Variants in SH3TC2 observed in about 807,000 individuals in gnomAD.
The protein encoded by SH3TC2 is SH3 domain and tetratricopeptide repeats 2, also known as SH3 domain and tetratricopeptide repeat-containing protein 2.
SH3TC2 carries 87 observed loss-of-function variants against 124.5 expected under a neutral mutation model. The observed-to-expected ratio is 0.70, with a 90% CI of 0.59 to 0.84. The LOEUF is 0.84. Ranked by LOEUF, SH3TC2 falls within the 40% of genes least tolerant of loss-of-function variation. The pLI is 0.00. For missense variants in SH3TC2, 1,536 were observed against 1,566.4 expected, an observed-to-expected ratio of 0.98 and a Z score of 0.33; for synonymous variants, 634 against 628.5, an observed-to-expected ratio of 1.01 and a Z score of -0.13.
chr5:149,061,737 T>A (rs1457288173), intron 1 of SH3TC2, among the ~76,000 whole-genome samples: 1 of 152,078 alleles, frequency 6.6e-6, no homozygotes, highest in African/African-American at 2.4e-5. Context: ...AGAACCCCGA[T>A]CTCCGACCAG....
At chr5:149,012,445 G>T in intron 13 of SH3TC2, 139 bp downstream of exon 13, 2 of 1,127,210 alleles carry the variant, frequency 1.8e-6, no homozygotes, top group South Asian at 1.3e-5. Context: ...TCAGGGAGCA[G>T]CCCAGTGTTG....
In SH3TC2 at chr5:149,027,379, C is replaced by T. The variant is rs1215882731; in HGVS notation, c.2353G>A (p.Val785Met). 1 of 1,614,108 alleles carries T rather than the reference C, an allele frequency of 6.2e-7. No homozygotes were observed. Among genetic ancestry groups the T allele is most frequent in the Non-Finnish European group, 8.5e-7 (1 of 1,180,014 alleles). Residue 785 changes from valine to methionine, a missense_variant, in exon 11 of 17, where the codon GTG (valine) becomes ATG (methionine). By Grantham distance (21) the Val-to-Met change is conservative. Transcript: ENST00000515425. ...TGCTCACCCAGCAGCTGCCCTAGCA[C>T]CAAGGCCTGGCTCAGGTAGTGGATG... ...GAIHYLSQAL[V>M]LGQLLGEQES... is the part of the protein sequence containing the mutation.
intron 15 of SH3TC2, chr5:149,008,632 A>G: frequency 1.6e-6 from 1 of 619,730 alleles, no homozygotes; most frequent in South Asian, 1.9e-5. Flanking sequence ...CATAACAACT[A>G]CCATGAGGTG....
At chr5:149,023,297 A>C (rs1332859516) in intron 12 of SH3TC2, among the ~76,000 whole-genome samples, 1 of 152,224 alleles carries the variant, frequency 6.6e-6, no homozygotes, top group Non-Finnish European at 1.5e-5. Flanking sequence ...TTGACATTTC[A>C]CAGTGATATT....
chr5:149,049,787 A>G (rs976281904), intron 2 of SH3TC2, among the ~76,000 whole-genome samples: 5 of 143,856 alleles, frequency 3.5e-5, no homozygotes, highest in African/African-American at 7.7e-5. Flanking sequence ...TGTCTCAAGG[A>G]AAAAAAAAAA....
chr5:149,005,378 G>C (rs572895334), intron 16 of SH3TC2, among the ~76,000 whole-genome samples: 1 of 152,228 alleles, frequency 6.6e-6, no homozygotes, highest in South Asian at 2.1e-4. Flanking sequence ...GGAATACAAT[G>C]AGAGGTGGGG....
Position 149,028,151 on chromosome 5 carries a change from A to G in SH3TC2, c.1581T>C (p.His527=), listed in dbSNP as rs1013306854. The change falls in exon 11 of 17, where the codon CAT becomes CAC. Residue 527 remains histidine, a synonymous_variant. Transcript: ENST00000515425. Reference sequence around the variant, plus strand: ...GGCCCAGGAGGAAGCAGAGACGGGCATGGGCCCAGGTCATGTGGCTCTTCT... The same window carrying G: ...GGCCCAGGAGGAAGCAGAGACGGGCGTGGGCCCAGGTCATGTGGCTCTTCT... The part of the protein sequence containing the change: ...WAKKSHMTWA[H]ARLCFLLGRL... 1.2e-6 allele frequency: 2 copies of G among 1,614,106 alleles called. No individual in the cohort carries two copies. The highest frequency in any genetic ancestry group is 1.1e-5 in the South Asian group (1 of 91,088).
rs925925004 is a variant in SH3TC2, at chr5:148,988,863, A to G, written c.*15848T>C. ...CTCATGGTTCAAAAACACGATCCCC[A>G]TAACTTTAATGTTTAAGGGTTATCA... On this transcript the variant is annotated 3_prime_UTR_variant, in exon 17 of 17. Transcript: ENST00000515425. Among the ~76,000 whole-genome samples the G allele has an allele frequency of 2.0e-4, 30 of 152,190 alleles. 1 individual carries two copies. Among genetic ancestry groups the G allele is most frequent in the Admixed American group, 5.2e-4 (8 of 15,286 alleles).
At chr5:149,006,087 C>T (rs1425089796) in intron 16 of SH3TC2, 1 of 152,478 alleles carries the variant, frequency 6.6e-6, no homozygotes, top group Non-Finnish European at 1.5e-5. Flanking sequence ...GATGAAACCC[C>T]ATCTTTACAA....
rs1296299531 is a variant in SH3TC2, at chr5:148,996,333, T to A, written c.*8378A>T. On this transcript the variant is annotated 3_prime_UTR_variant, in exon 17 of 17. Transcript: ENST00000515425. ...TACAACTTGGAAAGAAAGAAAAGAA[T>A]GCCACAGGACTTGGAAGAGGATCAG... 6.6e-6 allele frequency among the ~76,000 whole-genome samples: 1 copy of A among 151,968 alleles called. No homozygotes were observed. Among genetic ancestry groups the A allele is most frequent in the Non-Finnish European group, 1.5e-5 (1 of 67,990 alleles).
At chr5:149,028,809 A>G in intron 9 of SH3TC2, 91 bp from the exon 10 acceptor site, 1 of 1,345,642 alleles carries the variant, frequency 7.4e-7, no homozygotes, top group Non-Finnish European at 1.1e-6. Context: ...GTGGCCTCTT[A>G]GGAGCCTTGG....
rs960849464 is a variant in SH3TC2 at position 149,002,863 on chromosome 5, C to A, written c.*1848G>T. ...CCAAGAAGTTCATGTTCCACAACCT[C>A]ACCAGGTAATAGTTATGCACACTAT... On this transcript the variant is annotated 3_prime_UTR_variant, in exon 17 of 17. Coordinates refer to ENST00000515425, the MANE Select transcript of SH3TC2 (RefSeq NM_024577.4). 1 of 152,366 alleles carries A rather than the reference C, an allele frequency of 6.6e-6. No individual in the cohort carries two copies. Among genetic ancestry groups the A allele is most frequent in the Non-Finnish European group, 1.5e-5 (1 of 68,048 alleles). The allele number at this position is 152,366 out of a possible 1,614,324, so 9.4% of individuals were successfully genotyped here. A position where few individuals can be genotyped will look rare whatever the true frequency, so the allele number is the denominator to read the frequency against.
rs1753581507 is a variant in SH3TC2 at position 149,000,623 on chromosome 5, C to T, written c.*4088G>A. Reference sequence around the variant, plus strand: ...TTTGTAAAGGCTCTTTGGTGCATATCGTGATAAATGCATGCATACATACAC... The same window carrying T: ...TTTGTAAAGGCTCTTTGGTGCATATTGTGATAAATGCATGCATACATACAC... On this transcript the variant is annotated 3_prime_UTR_variant, in exon 17 of 17. Coordinates refer to ENST00000515425, the MANE Select transcript of SH3TC2 (RefSeq NM_024577.4). 6.6e-6 allele frequency among the ~76,000 whole-genome samples: 1 copy of T among 152,084 alleles called. No homozygotes were observed. Among genetic ancestry groups the T allele is most frequent in the Non-Finnish European group, 1.5e-5 (1 of 68,016 alleles).
chr5:148,995,776 A>C lies in SH3TC2; in HGVS notation c.*8935T>G, dbSNP rs1344299222. 6.6e-6 allele frequency among the ~76,000 whole-genome samples: 1 copy of C among 152,134 alleles called. No individual in the cohort carries two copies. The highest frequency in any genetic ancestry group is 1.9e-4 in the East Asian group (1 of 5,192). On this transcript the variant is annotated 3_prime_UTR_variant, in exon 17 of 17. Transcript: ENST00000515425. Reference sequence around the variant, plus strand: ...AAATACAGAGCTGAGTGACCCAAATAAGATTCCTGTTTTCATGGAACTTCT... The same window carrying C: ...AAATACAGAGCTGAGTGACCCAAATCAGATTCCTGTTTTCATGGAACTTCT...
chr5:149,056,208 C>A (rs1016560651), intron 1 of SH3TC2, among the ~76,000 whole-genome samples: 2 of 152,020 alleles, frequency 1.3e-5, no homozygotes, highest in Non-Finnish European at 2.9e-5. Context: ...ATTTCATCAG[C>A]CAGGTATGAA....
At chr5:149,043,170 A>G (rs2127401054) in intron 4 of SH3TC2, among the ~76,000 whole-genome samples, 1 of 152,286 alleles carries the variant, frequency 6.6e-6, no homozygotes, top group Middle Eastern at 3.4e-3. Flanking sequence ...TACAGTGTTG[A>G]CTATGGGGGT....
rs1039669068 is a variant in SH3TC2 at position 148,999,896 on chromosome 5, C to T, written c.*4815G>A. On this transcript the variant is annotated 3_prime_UTR_variant, in exon 17 of 17. Coordinates refer to ENST00000515425, the MANE Select transcript of SH3TC2 (RefSeq NM_024577.4). ...TGCTTCCCTGAATCTGCTCCAGCCT[C>T]ACTGCACTCAGAGTGACCTGTTCTC... is the stretch of plus-strand genomic sequence containing the variant. 6.6e-6 allele frequency among the ~76,000 whole-genome samples: 1 copy of T among 152,202 alleles called. No individual in the cohort carries two copies. The highest frequency in any genetic ancestry group is 6.5e-5 in the Admixed American group (1 of 15,282).
intron 8 of SH3TC2, chr5:149,035,403 T>TGG (rs1311128159): frequency 2.0e-5 from 3 of 152,504 alleles, no homozygotes; most frequent in Non-Finnish European, 2.9e-5. Context: ...ACGGAGAAGA[T>TGG]GGAGACTTCA....
intron 4 of SH3TC2, chr5:149,043,597 T>C (rs1303360253): frequency 1.3e-5 from 2 of 152,286 alleles, no homozygotes; most frequent in African/African-American, 4.8e-5. Context: ...GGGGATCTTA[T>C]TAAACTACAA....
Sources: gnomAD v4.1 joint callset for allele counts (sites outside exome capture counted in the v4.1 genomes callset) on GRCh38, gnomAD v4.1.1 for gene constraint, MANE v1.5 for transcripts, NCBI Gene and HGNC (gene_info 2026-07-23, HGNC 2026-07-21) for gene names.